The following GTF3C1 variants were observed in gnomAD, a reference collection of about 807,000 sequenced individuals.
The protein encoded by GTF3C1 is general transcription factor IIIC subunit 1, also known as general transcription factor 3C polypeptide 1.
GTF3C1 carries 57 observed loss-of-function variants against 226.7 expected under a neutral mutation model. The ratio of observed to expected loss-of-function variants is 0.25; its 90% CI spans 0.20 to 0.31. The LOEUF is 0.31. Among genes scored for constraint, GTF3C1 ranks in the 10% least tolerant of loss-of-function variants. The pLI is 1.00. For synonymous variants in GTF3C1, 1,090 were observed against 1,084.8 expected, an observed-to-expected ratio of 1.00 and a Z score of -0.09; for missense variants, 2,217 against 2,776.1, an observed-to-expected ratio of 0.80 and a Z score of 4.53.
At chr16:27,498,246 C>G (rs1005313783) in intron 13 of GTF3C1, among the ~76,000 whole-genome samples, 1 of 152,212 alleles carries the variant, frequency 6.6e-6, no homozygotes, top group Non-Finnish European at 1.5e-5. Context: ...TGAGACACAG[C>G]TGAGAACTTT....
Position 27,492,983 on chromosome 16 carries a change from C to G in GTF3C1, c.2876+216G>C, listed in dbSNP as rs2088256139. On this transcript the variant is annotated intron_variant, in intron 17 of 36. Coordinates refer to ENST00000356183, the MANE Select transcript of GTF3C1 (RefSeq NM_001520.4). This position sits in a 1 kb window ranked among gnomAD's most constrained non-coding sequence, Gnocchi z 5.0. ...AAAAAAATTCCGATACTTGCAGACACTAGCAGCAGATTTTACTTTAAAAGA... is the reference window on the plus strand; with the variant it reads ...AAAAAAATTCCGATACTTGCAGACAGTAGCAGCAGATTTTACTTTAAAAGA... Among the ~76,000 whole-genome samples, 2 of 152,284 alleles carry G rather than the reference C, an allele frequency of 1.3e-5. No individual in the cohort carries two copies. The highest frequency in any genetic ancestry group is 4.2e-4 in the South Asian group (2 of 4,812).
Position 27,549,904 on chromosome 16 carries a change from G to T in GTF3C1, c.-14C>A. The T allele has an allele frequency of 6.2e-7, 1 of 1,601,412 alleles. No homozygotes were observed. Among genetic ancestry groups the T allele is most frequent in the East Asian group, 2.2e-5 (1 of 44,694 alleles). The stretch of plus-strand genomic sequence containing the variant: ...CAGCGCGTCCATTGCTACTTCAGTC[G>T]GCGGCGCCCGGGGCGCATGCGCAAC... On this transcript the variant is annotated 5_prime_UTR_variant, in exon 1 of 37. Coordinates refer to ENST00000356183, the MANE Select transcript of GTF3C1 (RefSeq NM_001520.4).
At chr16:27,494,255 G>A (rs981782041) in intron 16 of GTF3C1, among the ~76,000 whole-genome samples, 2 of 151,892 alleles carry the variant, frequency 1.3e-5, no homozygotes. Flanking sequence ...TAAAAAATTA[G>A]CCTGGCGTGG....
At chr16:27,464,985 G>A (rs552301601) in intron 33 of GTF3C1, 149 bp from the exon 34 acceptor site, 8 of 701,044 alleles carry the variant, frequency 1.1e-5, no homozygotes, top group African/African-American at 3.6e-5. Flanking sequence ...TCCTAGCCCC[G>A]GGGCTGCCCC....
chr16:27,479,973 G>A (rs923662494), intron 27 of GTF3C1, among the ~76,000 whole-genome samples: 17 of 152,036 alleles, frequency 1.1e-4, no homozygotes, highest in Non-Finnish European at 1.9e-4. Flanking sequence ...GGCTGAGACG[G>A]GCAGATCACG....
intron 7 of GTF3C1, among the ~76,000 whole-genome samples, chr16:27,510,124 G>A (rs945984077): frequency 3.3e-5 from 5 of 152,114 alleles, no homozygotes; most frequent in Middle Eastern, 3.4e-3. Flanking sequence ...TGTGGCTCAC[G>A]CCTGTAATCC....
intron 24 of GTF3C1, 145 bp from the exon 25 acceptor site, chr16:27,484,498 C>T: frequency 1.6e-6 from 1 of 620,930 alleles, no homozygotes. Flanking sequence ...ACAATATTTA[C>T]TGGGCCCACC....
chr16:27,473,831 C>T (rs984688492), intron 29 of GTF3C1, among the ~76,000 whole-genome samples: 5 of 152,280 alleles, frequency 3.3e-5, no homozygotes, highest in Admixed American at 2.0e-4. Flanking sequence ...ATGTGGTGGG[C>T]GGGAGAAGCT....
chr16:27,493,398 G>A, intron 16 of GTF3C1, 102 bp from the exon 17 acceptor site: 1 of 694,108 alleles, frequency 1.4e-6, no homozygotes, highest in Admixed American at 2.0e-5. Context: ...TAGTCTCCCT[G>A]AACCTGCCCA....
chr16:27,542,850 T>C, intron 2 of GTF3C1, among the ~76,000 whole-genome samples: 1 of 152,204 alleles, frequency 6.6e-6, no homozygotes, highest in African/African-American at 2.4e-5. Context: ...GCCAGTGCCA[T>C]GCCCTTGAGC....
intron 2 of GTF3C1, among the ~76,000 whole-genome samples, chr16:27,539,806 G>A (rs1373752103): frequency 4.6e-5 from 7 of 152,150 alleles, no homozygotes; most frequent in South Asian, 4.1e-4. Context: ...GGAGTGGGAC[G>A]TCCTTTCCAG....
chr16:27,464,299 G>A (rs531919524), intron 34 of GTF3C1, 21 bp downstream of exon 34: 71 of 1,428,834 alleles, frequency 5.0e-5, no homozygotes, highest in African/African-American at 4.4e-5. Flanking sequence ...GAGGTGGGGT[G>A]GGGGACAAGG....
At chr16:27,475,093 C>T (rs956263590) in intron 29 of GTF3C1, among the ~76,000 whole-genome samples, 1 of 152,198 alleles carries the variant, frequency 6.6e-6, no homozygotes, top group Non-Finnish European at 1.5e-5. Flanking sequence ...TCCTCCCTGC[C>T]CCGCTGTGGC....
rs2087851303 is a variant in GTF3C1, at chr16:27,470,449, T to C, written c.4527-54A>G. The C allele has an allele frequency of 1.6e-5, 23 of 1,422,846 alleles. No homozygotes were observed. The highest frequency in any genetic ancestry group is 2.3e-5 in the Non-Finnish European group (23 of 1,020,274). 88.1% of individuals were successfully genotyped at this position (1,422,846 alleles called of 1,614,324 possible). ...ACTGAGGGCCAGCTGTGGGAAGCCTTCATTTGGATGGACTATGAGCACGTC... is the reference window on the plus strand; with the variant it reads ...ACTGAGGGCCAGCTGTGGGAAGCCTCCATTTGGATGGACTATGAGCACGTC... On this transcript the variant is annotated intron_variant, in intron 30 of 36. Coordinates refer to ENST00000356183, the MANE Select transcript of GTF3C1 (RefSeq NM_001520.4). This position sits in a 1 kb window ranked among gnomAD's most constrained non-coding sequence, Gnocchi z 4.9.
In GTF3C1 at chr16:27,533,294, C is replaced by T. The variant is rs149010502; in HGVS notation, c.846G>A (p.Glu282=). 1.9e-5 allele frequency: 30 copies of T among 1,553,896 alleles called. No individual in the cohort carries two copies. In the African/African-American group the frequency reaches 3.8e-4, roughly 20 times the overall value. Reference sequence around the variant, plus strand: ...CCGTGGGAAACCCCAGGCTCACCAGCTCTTCCCTCAGCTTTCCCAGCGTCT... The same window carrying T: ...CCGTGGGAAACCCCAGGCTCACCAGTTCTTCCCTCAGCTTTCCCAGCGTCT... The part of the protein sequence containing the change: ...HIETLGKLRE[E]LGLCERTFKR... The change falls in exon 5 of 37, where the codon GAG becomes GAA. Residue 282 remains glutamate, a synonymous_variant. Transcript: ENST00000356183.
rs544961368 is a variant in GTF3C1 at position 27,484,166 on chromosome 16, T to C, written c.4001+45A>G. On this transcript the variant is annotated intron_variant, in intron 25 of 36. Transcript: ENST00000356183. ...CCACCAGACTCTTAAGCAAACGGGA[T>C]AACGTAACCGTGTCCCGGAGTGACG... The C allele has an allele frequency of 9.8e-6, 14 of 1,434,770 alleles. No individual in the cohort carries two copies. The African/African-American group carries it at 1.3e-4, about 13-fold the overall frequency. 88.9% of individuals were successfully genotyped at this position (1,434,770 alleles called of 1,614,324 possible). A position where few individuals can be genotyped will look rare whatever the true frequency, so the allele number is the denominator to read the frequency against.
chr16:27,525,682 C>G (rs918180128), intron 6 of GTF3C1, among the ~76,000 whole-genome samples: 67 of 152,348 alleles, frequency 4.4e-4, no homozygotes, highest in African/African-American at 1.5e-3. Context: ...GAGCCCCGCC[C>G]TGGGGGTGCT....
chr16:27,464,250 GC>G, intron 34 of GTF3C1, 69 bp downstream of exon 34: 1 of 976,186 alleles, frequency 1.0e-6, no homozygotes, highest in Non-Finnish European at 1.4e-6. Context: ...AAGGTGTGAG[GC>G]CCATCAGGGC....
intron 19 of GTF3C1, among the ~76,000 whole-genome samples, chr16:27,490,943 T>C (rs1040791859): frequency 2.6e-5 from 4 of 152,144 alleles, no homozygotes; most frequent in Non-Finnish European, 4.4e-5. Flanking sequence ...GGGATGGAAA[T>C]TCACCAATTG....
Sources: gnomAD v4.1 joint callset for allele counts (sites outside exome capture counted in the v4.1 genomes callset) on GRCh38, gnomAD v4.1.1 for gene constraint, Gnocchi (gnomAD v3.1) non-coding constraint, MANE v1.5 for transcripts, NCBI Gene and HGNC (gene_info 2026-07-23, HGNC 2026-07-21) for gene names.